The following TMEM186 variants were observed in gnomAD, a reference collection of about 807,000 sequenced individuals.
TMEM186 encodes chromosome 16 open reading frame 51.
Under a neutral mutation model 2.5 loss-of-function variants are expected in TMEM186, and 2 were observed. The ratio of observed to expected loss-of-function variants is 0.79; its 90% CI spans 0.32 to 2.50. TMEM186 has a LOEUF of 2.50. TMEM186 is among the 30% of genes most tolerant of loss of function. The pLI is 0.11. For missense variants in TMEM186, 321 were observed against 276.5 expected (o/e 1.16, Z -1.14); for synonymous variants, 120 against 104.9 (o/e 1.14, Z -0.88).
In TMEM186 at chr16:8,795,693, T is replaced by C. The variant is rs1026543620; in HGVS notation, c.*259A>G. 1.3e-5 allele frequency: 6 copies of C among 450,188 alleles called. No individual in the cohort carries two copies. Among genetic ancestry groups the C allele is most frequent in the Non-Finnish European group, 2.4e-5 (6 of 251,556 alleles). 27.9% of individuals were successfully genotyped at this position (450,188 alleles called of 1,614,324 possible). ...CCTTGGCATAGGTTCTTCTAAGAAC[T>C]GGCTCTTAACAAAAACTTCTGGCCA... is the stretch of plus-strand genomic sequence containing the variant. On this transcript the variant is annotated 3_prime_UTR_variant, in exon 2 of 2. Coordinates refer to ENST00000333050, the MANE Select transcript of TMEM186 (RefSeq NM_015421.4).
Position 8,797,615 on chromosome 16 carries a change from G to A in TMEM186, c.-1C>T, listed in dbSNP as rs1256300263. ...GGCTCGCCACCCGCCTCCTTACCAT[G>A]GCCCCACCACCTGCTGCCGGAAGTA... On this transcript the variant is annotated 5_prime_UTR_variant, in exon 1 of 2. Coordinates refer to ENST00000333050, the MANE Select transcript of TMEM186 (RefSeq NM_015421.4). The A allele has an allele frequency of 3.7e-6, 6 of 1,604,226 alleles. No homozygotes were observed. Among genetic ancestry groups the A allele is most frequent in the African/African-American group, 1.3e-5 (1 of 74,398 alleles).
chr16:8,796,253 A>G lies in TMEM186; in HGVS notation c.341T>C (p.Leu114Pro). The change falls in exon 2 of 2, where the codon CTG (leucine) becomes CCG (proline). Residue 114 changes from leucine (L) to proline (P), a missense_variant. Transcript: ENST00000333050. ...CLMSGISGFA[L>P]TMLCWMSYFL... ...ATAGCTCATCCAGCACAGCATGGTC[A>G]GGGCAAAGCCCGATATCCCACTCAT... The G allele has an allele frequency of 6.2e-7, 1 of 1,614,236 alleles. No individual in the cohort carries two copies. Among genetic ancestry groups the G allele is most frequent in the Non-Finnish European group, 8.5e-7 (1 of 1,180,042 alleles).
intron 1 of TMEM186, among the ~76,000 whole-genome samples, 164 bp downstream of exon 1, chr16:8,797,448 G>T (rs952249787): frequency 4.7e-5 from 1 of 21,472 alleles, no homozygotes; most frequent in Admixed American, 1.9e-4. Flanking sequence ...TGTGACCCAA[G>T]GAGGGCAAGA....
intron 1 of TMEM186, 44 bp downstream of exon 1, chr16:8,797,568 C>G (rs976770311): frequency 3.8e-6 from 6 of 1,588,566 alleles, no homozygotes; most frequent in African/African-American, 1.3e-5. Context: ...GACCCCGACC[C>G]CAAAGAGCAT....
Position 8,795,859 on chromosome 16 carries a change from AC to A in TMEM186, c.*92del, listed in dbSNP as rs1349709838. The A allele has an allele frequency of 7.0e-7, 1 of 1,438,044 alleles. No individual in the cohort carries two copies. Among genetic ancestry groups the A allele is most frequent in the Non-Finnish European group, 9.4e-7 (1 of 1,060,216 alleles). The allele number at this position is 1,438,044 out of a possible 1,614,324, so 89.1% of individuals were successfully genotyped here. A position where few individuals can be genotyped will look rare whatever the true frequency, so the allele number is the denominator to read the frequency against. On this transcript the variant is annotated 3_prime_UTR_variant, in exon 2 of 2. Coordinates refer to ENST00000333050, the MANE Select transcript of TMEM186 (RefSeq NM_015421.4). ...AGGGGCCCAGGCAAAGTCTCCAAGT[AC>A]CCAGTCCCCTTTCTTCAGCCTTGCC...
chr16:8,795,897 C>A lies in TMEM186; in HGVS notation c.*55G>T. On this transcript the variant is annotated 3_prime_UTR_variant, in exon 2 of 2. Coordinates refer to ENST00000333050, the MANE Select transcript of TMEM186 (RefSeq NM_015421.4). ...TCTTCAGCCTTGCCCACACCCTCAG[C>A]CTTCCTGTTAATCCAGGCGACCCAG... 2.6e-6 allele frequency: 4 copies of A among 1,562,728 alleles called. No individual in the cohort carries two copies. Among genetic ancestry groups the A allele is most frequent in the East Asian group, 4.5e-5 (2 of 44,434 alleles).
At position 8,795,924 on chromosome 16, in the gene TMEM186, G is replaced by A. The variant is rs372171920; in HGVS notation, c.*28C>T. On this transcript the variant is annotated 3_prime_UTR_variant, in exon 2 of 2. Transcript: ENST00000333050. ...TTCCTGTTAATCCAGGCGACCCAGG[G>A]TTACCCAGAGGTCCAGGTCCCAGTT... The A allele has an allele frequency of 5.6e-5, 89 of 1,592,032 alleles. No individual in the cohort carries two copies. The African/African-American group carries it at 1.1e-3, about 19-fold the overall frequency.
At position 8,795,463 on chromosome 16, in the gene TMEM186, G is replaced by T. The variant is rs963562631; in HGVS notation, c.*489C>A. On this transcript the variant is annotated 3_prime_UTR_variant, in exon 2 of 2. Transcript: ENST00000333050. ...CTGTAGGCTGTTGAGTCTGCCACAC[G>T]TTTGACATTTATTGTTTATTCCCAC... 1 of 158,536 alleles carries T rather than the reference G, an allele frequency of 6.3e-6. No individual in the cohort carries two copies. Among genetic ancestry groups the T allele is most frequent in the Non-Finnish European group, 1.4e-5 (1 of 71,454 alleles). The allele number at this position is 158,536 out of a possible 1,614,324, so 9.8% of individuals were successfully genotyped here. A position where few individuals can be genotyped will look rare whatever the true frequency, so the allele number is the denominator to read the frequency against.
rs746765746 is a variant in TMEM186 at position 8,796,360 on chromosome 16, CTG to C, written c.232_233del (p.Gln78AspfsTer57). The C allele has an allele frequency of 6.2e-7, 1 of 1,614,226 alleles. No individual in the cohort carries two copies. The highest frequency in any genetic ancestry group is 1.1e-5 in the South Asian group (1 of 91,082). On this transcript the variant is annotated frameshift_variant, in exon 2 of 2. Transcript: ENST00000333050. LOFTEE classifies it low-confidence loss of function (END_TRUNC). ...FGFLSRLKLA[Q>X]TALTVVALPP... Reference sequence around the variant, plus strand: ...GCAAAGCTACCACTGTCAGGGCAGTCTGTGCCAACTTCAGTCGTGACAGGAAC... The same window carrying C: ...GCAAAGCTACCACTGTCAGGGCAGTCTGCCAACTTCAGTCGTGACAGGAAC...
At position 8,795,973 on chromosome 16, in the gene TMEM186, C is replaced by A; in HGVS notation, c.621G>T (p.Gly207=). 1.2e-6 allele frequency: 2 copies of A among 1,613,468 alleles called. No homozygotes were observed. The highest frequency in any genetic ancestry group is 1.7e-4 in the Middle Eastern group (1 of 6,060). Residue 207 remains glycine (G), a synonymous_variant, in exon 2 of 2, where the codon GGG becomes GGT. Coordinates refer to ENST00000333050, the MANE Select transcript of TMEM186 (RefSeq NM_015421.4). ...TTGTTCACTTGAGCATCTGATGTAC[C>A]CCAAACACCTGTGTGAAACGCTCTC... ...LDRERFTQVF[G]VHQMLK
At position 8,796,514 on chromosome 16, in the gene TMEM186, C is replaced by G; in HGVS notation, c.80G>C (p.Cys27Ser). 6.2e-7 allele frequency: 1 copy of G among 1,614,208 alleles called. No individual in the cohort carries two copies. Among genetic ancestry groups the G allele is most frequent in the Non-Finnish European group, 8.5e-7 (1 of 1,180,036 alleles). ...CCTCTTAGGATCCTCCTGCCCACTG[C>G]AGCACCACAGCCCATGGAGAGGCCT... ...WERPLHGLWC[C>S]SGQEDPKRWV... Residue 27 changes from cysteine to serine, a missense_variant, in exon 2 of 2, where the codon TGC (cysteine) becomes TCC (serine). Coordinates refer to ENST00000333050, the MANE Select transcript of TMEM186 (RefSeq NM_015421.4).
Sources: gnomAD v4.1 joint callset for allele counts (sites outside exome capture counted in the v4.1 genomes callset) on GRCh38, gnomAD v4.1.1 for gene constraint, MANE v1.5 for transcripts, NCBI Gene and HGNC (gene_info 2026-07-23, HGNC 2026-07-21) for gene names.